RASEF: variants seen among roughly 807,000 people sequenced by gnomAD.
RASEF encodes the protein ras and EF-hand domain-containing protein.
In RASEF, 68 loss-of-function variants were observed where a neutral mutation model predicts 90.1. The ratio of observed to expected loss-of-function variants is 0.75; its 90% CI spans 0.62 to 0.92. RASEF has a LOEUF of 0.92. RASEF is among the 40% of genes least tolerant of loss of function. RASEF has a pLI of 0.00. For missense variants in RASEF, 949 were observed against 937.2 expected, an observed-to-expected ratio of 1.01 and a Z score of -0.16; for synonymous variants, 331 against 345.2, an observed-to-expected ratio of 0.96 and a Z score of 0.46.
At chr9:83,044,817 C>A (rs1307217019) in intron 1 of RASEF, among the ~76,000 whole-genome samples, 3 of 152,188 alleles carry the variant, frequency 2.0e-5, no homozygotes, top group Non-Finnish European at 4.4e-5. Flanking sequence ...GTACTCTGTA[C>A]ATGAGATTAA....
At chr9:83,217,301 T>C in the RASEF span, among the ~76,000 whole-genome samples, 1 of 152,134 alleles carries the variant, frequency 6.6e-6, no homozygotes, top group African/African-American at 2.4e-5. Flanking sequence ...CTGTGGACTT[T>C]TGAGTTAATG....
the RASEF span, among the ~76,000 whole-genome samples, chr9:83,084,773 G>A: frequency 6.6e-6 from 1 of 152,078 alleles, no homozygotes; most frequent in African/African-American, 2.4e-5. Flanking sequence ...ACGTATGTAT[G>A]ACATTTAGAT....
At chr9:83,120,560 AG>A in the RASEF span, among the ~76,000 whole-genome samples, 1 of 152,188 alleles carries the variant, frequency 6.6e-6, no homozygotes, top group Non-Finnish European at 1.5e-5. Flanking sequence ...TTGTTCTTTC[AG>A]GCTACTAAGA....
the RASEF span, among the ~76,000 whole-genome samples, chr9:83,215,461 G>C: frequency 2.0e-5 from 3 of 152,178 alleles, no homozygotes; most frequent in African/African-American, 7.2e-5. Flanking sequence ...CACAGGGCTG[G>C]AGCCTATAGT....
At chr9:83,177,723 G>T in the RASEF span, among the ~76,000 whole-genome samples, 4 of 151,856 alleles carry the variant, frequency 2.6e-5, no homozygotes, top group Non-Finnish European at 4.4e-5. Context: ...GTGTCTGTGT[G>T]TGGGTCTTTT....
At chr9:83,062,293 T>TCAA (rs748217420) in intron 1 of RASEF, 144 bp downstream of exon 1, 5 of 782,218 alleles carry the variant, frequency 6.4e-6, no homozygotes, top group African/African-American at 3.6e-5. Context: ...CTTGGAAAAG[T>TCAA]CAAAGCGAGT....
chr9:83,032,780 G>T (rs1472040124), intron 1 of RASEF, among the ~76,000 whole-genome samples: 1 of 152,138 alleles, frequency 6.6e-6, no homozygotes, highest in African/African-American at 2.4e-5. Context: ...TACTTGAAGA[G>T]AAAACAGGTA....
chr9:83,091,999 A>ATTTTTTTTTTTTTTTTTTTTTT, the RASEF span, among the ~76,000 whole-genome samples: 4 of 17,228 alleles, frequency 2.3e-4, no homozygotes, highest in African/African-American at 7.2e-4. Context: ...TTTTTCTTTT[A>ATTTTTTTTTTTTTTTTTTTTTT]TTTCTTTTTT....
chr9:82,993,089 A>T, intron 14 of RASEF, 64 bp from the exon 15 acceptor site: 1 of 1,537,136 alleles, frequency 6.5e-7, no homozygotes, highest in Non-Finnish European at 8.8e-7. Context: ...ATGACCACAG[A>T]ACAACAGCAA....
the RASEF span, among the ~76,000 whole-genome samples, chr9:83,078,048 T>C: frequency 6.6e-6 from 1 of 152,312 alleles, no homozygotes; most frequent in South Asian, 2.1e-4. Flanking sequence ...CAAAGGATAG[T>C]TCCTGGGGCA....
In RASEF at chr9:83,005,455, A is replaced by C. The variant is rs376992674; in HGVS notation, c.1074T>G (p.Ser358Arg). ...ACTTGCTATAACTGTTTTCAAGGGC[A>C]CTTCTAAGGCCATCATTACTGTCAT... Reference protein sequence around the residue: ...KLHDSNDGLRSALENSYSKFN... With the variant: ...KLHDSNDGLRRALENSYSKFN... The change falls in exon 8 of 17, where the codon AGT (serine) becomes AGG (arginine). Residue 358 changes from serine (S) to arginine (R), a missense_variant. Physicochemically the swap from Ser to Arg is moderately radical, Grantham distance 110. Around this residue, in one of 3 missense-constraint regions of RASEF, gnomAD observed 656 missense variants for 592.2 expected, o/e 1.11. Coordinates refer to ENST00000376447, the MANE Select transcript of RASEF (RefSeq NM_152573.4). 1.2e-6 allele frequency: 2 copies of C among 1,614,042 alleles called. No homozygotes were observed. The highest frequency in any genetic ancestry group is 1.7e-6 in the Non-Finnish European group (2 of 1,179,934).
At chr9:83,102,860 C>G in the RASEF span, among the ~76,000 whole-genome samples, 6 of 152,256 alleles carry the variant, frequency 3.9e-5, no homozygotes, top group African/African-American at 1.4e-4. Flanking sequence ...TTGGGGGGTA[C>G]AAGCCTTGGA....
chr9:83,178,582 A>T, the RASEF span, among the ~76,000 whole-genome samples: 1 of 152,150 alleles, frequency 6.6e-6, no homozygotes, highest in Non-Finnish European at 1.5e-5. Flanking sequence ...AGCTCCCCTT[A>T]AGCTCCAGCA....
At chr9:82,985,165 C>T (rs540813069) in intron 16 of RASEF, among the ~76,000 whole-genome samples, 9 of 152,074 alleles carry the variant, frequency 5.9e-5, no homozygotes, top group African/African-American at 1.7e-4. Flanking sequence ...TTCGTTTTCA[C>T]GCTGCTGATA....
At chr9:83,071,236 A>T in the RASEF span, among the ~76,000 whole-genome samples, 1 of 152,110 alleles carries the variant, frequency 6.6e-6, no homozygotes, top group Non-Finnish European at 1.5e-5. Flanking sequence ...TTAATCTTTT[A>T]CCATTGCGAT....
chr9:83,162,836 G>A, the RASEF span, among the ~76,000 whole-genome samples: 3 of 152,194 alleles, frequency 2.0e-5, no homozygotes, highest in Admixed American at 6.5e-5. Flanking sequence ...AGACAAGGCT[G>A]AGGATTAAAA....
chr9:83,047,937 G>T (rs2118669344), intron 1 of RASEF, among the ~76,000 whole-genome samples: 1 of 152,328 alleles, frequency 6.6e-6, no homozygotes, highest in African/African-American at 2.4e-5. Context: ...CTTTAGCTAT[G>T]CAAAATTGGA....
chr9:83,000,626 A>G (rs1829015300), intron 10 of RASEF, 56 bp from the exon 11 acceptor site: 5 of 1,491,888 alleles, frequency 3.4e-6, no homozygotes, highest in Non-Finnish European at 4.6e-6. Flanking sequence ...GTTAAAATAC[A>G]AAGTCTAAAA....
intron 1 of RASEF, among the ~76,000 whole-genome samples, chr9:83,044,006 CT>C (rs572538405): frequency 3.3e-4 from 51 of 152,274 alleles, no homozygotes; most frequent in African/African-American, 1.2e-3. Flanking sequence ...GCTTTAGGAC[CT>C]ATACCTGATG....
Sources: gnomAD v4.1 joint callset for allele counts (sites outside exome capture counted in the v4.1 genomes callset) on GRCh38, gnomAD v4.1.1 for gene constraint, gnomAD v4.1.1 regional missense constraint, MANE v1.5 for transcripts, NCBI Gene and HGNC (gene_info 2026-07-23, HGNC 2026-07-21) for gene names.